EXOC6B: variants seen among roughly 807,000 people sequenced by gnomAD.
EXOC6B encodes exocyst complex component 6B, also known as SEC15 homolog B.
In EXOC6B, 54 loss-of-function variants were observed where a neutral mutation model predicts 113.5. The ratio of observed to expected loss-of-function variants is 0.48; its 90% CI spans 0.38 to 0.60. EXOC6B has a LOEUF of 0.60. EXOC6B is among the 20% of genes least tolerant of loss of function. The pLI, the probability that EXOC6B is intolerant of heterozygous loss-of-function variation, is 0.00. For synonymous variants in EXOC6B, 357 were observed against 339.0 expected (o/e 1.05, Z -0.58); for missense variants, 797 against 977.5 (o/e 0.82, Z 2.46).
intron 20 of EXOC6B, among the ~76,000 whole-genome samples, chr2:72,322,900 T>C (rs540719127): frequency 1.3e-5 from 2 of 152,260 alleles, no homozygotes; most frequent in African/African-American, 2.4e-5. Context: ...GAAGAGAACC[T>C]AGGTAAAACC....
chr2:72,528,893 T>C (rs1002538301), intron 8 of EXOC6B, among the ~76,000 whole-genome samples: 2 of 152,152 alleles, frequency 1.3e-5, no homozygotes, highest in Admixed American at 1.3e-4. Flanking sequence ...TCCTGCCATC[T>C]TGCTGCACTC....
In EXOC6B at chr2:72,225,143, C is replaced by T. The variant is rs139126149; in HGVS notation, c.2197-40956G>A. 2.7e-3 allele frequency among the ~76,000 whole-genome samples: 410 copies of T among 151,116 alleles called. 1 individual carries two copies. The highest frequency in any genetic ancestry group is 9.2e-3 in the African/African-American group (379 of 41,204). On this transcript the variant is annotated intron_variant, in intron 20 of 21. Transcript: ENST00000272427. ...CTGGGATTATAGGCATGAGGCACCG[C>T]GCCCAGCCTATTTTATTTTAGACAT...
intron 20 of EXOC6B, among the ~76,000 whole-genome samples, chr2:72,201,976 C>G (rs1005076392): frequency 6.6e-6 from 1 of 152,146 alleles, no homozygotes; most frequent in Non-Finnish European, 1.5e-5. Flanking sequence ...TGTGGGAAAG[C>G]TTGGTATCAT....
At chr2:72,246,400 TG>T (rs1682659394) in intron 20 of EXOC6B, among the ~76,000 whole-genome samples, 1 of 152,208 alleles carries the variant, frequency 6.6e-6, no homozygotes, top group Non-Finnish European at 1.5e-5. Context: ...TAGTTTTCAT[TG>T]TTATATGTGT....
chr2:72,488,673 C>T (rs922737674), intron 16 of EXOC6B, among the ~76,000 whole-genome samples: 2 of 151,982 alleles, frequency 1.3e-5, no homozygotes, highest in African/African-American at 4.8e-5. Context: ...TCCTTTATAT[C>T]CAATCATCAG....
intron 1 of EXOC6B, among the ~76,000 whole-genome samples, chr2:72,762,280 C>T (rs971952737): frequency 6.6e-6 from 1 of 151,150 alleles, no homozygotes; most frequent in Non-Finnish European, 1.5e-5. Flanking sequence ...AAGAAAAAAC[C>T]TGTGTATAAA....
rs1001662541 is a variant in EXOC6B, at chr2:72,255,275, T to G, written c.2197-71088A>C. ...CAGCAGAAATACTGCCAGCTTAGAA[T>G]AAAGGGAATGGAGACAAGACAAAGT... On this transcript the variant is annotated intron_variant, in intron 20 of 21. Transcript: ENST00000272427. 3.7e-4 allele frequency among the ~76,000 whole-genome samples: 57 copies of G among 152,164 alleles called. 1 individual carries two copies. The highest frequency in any genetic ancestry group is 5.9e-5 in the Non-Finnish European group (4 of 68,032).
intron 7 of EXOC6B, among the ~76,000 whole-genome samples, chr2:72,565,406 G>A (rs1486802188): frequency 6.8e-6 from 1 of 147,738 alleles, no homozygotes; most frequent in East Asian, 2.0e-4. Context: ...AATTCAAGTG[G>A]TCTTTATTTA....
intron 6 of EXOC6B, among the ~76,000 whole-genome samples, chr2:72,625,294 TA>T (rs928703090): frequency 1.3e-4 from 20 of 151,508 alleles, no homozygotes; most frequent in African/African-American, 4.8e-4. Flanking sequence ...TATATATACC[TA>T]AAAAAGACTT....
intron 20 of EXOC6B, among the ~76,000 whole-genome samples, chr2:72,310,329 C>A (rs920563715): frequency 6.6e-6 from 1 of 152,098 alleles, no homozygotes. Context: ...TTATAGCCAA[C>A]CTGGTGGGTA....
At chr2:72,443,628 A>G (rs1416441872) in intron 18 of EXOC6B, among the ~76,000 whole-genome samples, 2 of 152,330 alleles carry the variant, frequency 1.3e-5, no homozygotes, top group Non-Finnish European at 2.9e-5. Flanking sequence ...CCAGTTCCAC[A>G]TGGCTGGGGA....
intron 18 of EXOC6B, among the ~76,000 whole-genome samples, chr2:72,380,455 C>T (rs1010238427): frequency 1.1e-4 from 17 of 151,988 alleles, no homozygotes; most frequent in East Asian, 3.9e-4. Context: ...CTGGCTAACA[C>T]GGTGAAACCC....
intron 17 of EXOC6B, among the ~76,000 whole-genome samples, chr2:72,471,822 A>C (rs1419869645): frequency 6.6e-6 from 1 of 152,190 alleles, no homozygotes. Flanking sequence ...AAAGGCAGTC[A>C]ACCTTTTCCC....
intron 15 of EXOC6B, 125 bp from the exon 16 acceptor site, chr2:72,492,554 T>C (rs1699801453): frequency 7.5e-6 from 4 of 532,548 alleles, no homozygotes; most frequent in Non-Finnish European, 1.3e-5. Context: ...TAATACTTAT[T>C]GTAAGTCAGA....
intron 1 of EXOC6B, among the ~76,000 whole-genome samples, chr2:72,809,462 A>G (rs1462038245): frequency 6.6e-6 from 1 of 152,230 alleles, no homozygotes; most frequent in Non-Finnish European, 1.5e-5. Context: ...ACTTCAGAAC[A>G]AAGAAAATTA....
At chr2:72,403,692 C>G (rs1336182318) in intron 18 of EXOC6B, among the ~76,000 whole-genome samples, 1 of 152,090 alleles carries the variant, frequency 6.6e-6, no homozygotes, top group Non-Finnish European at 1.5e-5. Context: ...GGCAAAAGAG[C>G]AAGACCCTGT....
intron 20 of EXOC6B, among the ~76,000 whole-genome samples, chr2:72,243,923 G>GC (rs1268085668): frequency 1.3e-5 from 2 of 152,166 alleles, no homozygotes; most frequent in Non-Finnish European, 2.9e-5. Context: ...TGATAGAATT[G>GC]CAAGGAGAAA....
At chr2:72,673,223 C>T (rs1216342411) in intron 6 of EXOC6B, among the ~76,000 whole-genome samples, 1 of 152,168 alleles carries the variant, frequency 6.6e-6, no homozygotes, top group African/African-American at 2.4e-5. Context: ...AGCCTGGGTA[C>T]ATATTAGAAT....
rs1410483486 is a variant in EXOC6B at position 72,621,146 on chromosome 2, C to A, written c.670-45478G>T. On this transcript the variant is annotated intron_variant, in intron 6 of 21. Coordinates refer to ENST00000272427, the MANE Select transcript of EXOC6B (RefSeq NM_015189.3). Reference sequence around the variant, plus strand: ...ACCACTGGACACATCAATTCCATTACTGGGTATATGCCCAAAGAAAAATAT... The same window carrying A: ...ACCACTGGACACATCAATTCCATTAATGGGTATATGCCCAAAGAAAAATAT... 5.9e-5 allele frequency among the ~76,000 whole-genome samples: 9 copies of A among 152,262 alleles called. No individual in the cohort carries two copies. In the East Asian group the frequency reaches 1.7e-3, roughly 29 times the overall value.
Sources: allele counts gnomAD v4.1 joint callset (sites outside exome capture counted in the v4.1 genomes callset), GRCh38; gene constraint gnomAD v4.1.1; transcripts MANE v1.5; gene names NCBI Gene and HGNC (gene_info 2026-07-23, HGNC 2026-07-21).